LPIN2: variants seen among roughly 807,000 people sequenced by gnomAD.
The protein encoded by LPIN2 is lipin 2.
A neutral mutation model predicts 111.4 loss-of-function variants in LPIN2; 55 were observed. The observed-to-expected ratio is 0.49, with a 90% CI of 0.40 to 0.62. LPIN2 has a LOEUF of 0.62. Among genes scored for constraint, LPIN2 ranks in the 20% least tolerant of loss-of-function variants. The pLI is 0.00. For missense variants in LPIN2, 992 were observed against 1,112.1 expected (o/e 0.89, Z 1.54); for synonymous variants, 425 against 414.0 (o/e 1.03, Z -0.32).
chr18:2,953,891 G>A (rs567127016), intron 3 of LPIN2, among the ~76,000 whole-genome samples: 5 of 152,278 alleles, frequency 3.3e-5, no homozygotes, highest in East Asian at 1.9e-4. Flanking sequence ...AGAATCCGTC[G>A]TTAACTAGCG....
At chr18:2,923,894 A>G in intron 15 of LPIN2, 33 bp from the exon 16 acceptor site, 4 of 1,573,848 alleles carry the variant, frequency 2.5e-6, no homozygotes, top group Non-Finnish European at 2.6e-6. Context: ...AAAAGCTATC[A>G]GGAATCAAAC....
chr18:2,983,488 G>T (rs560921519), intron 1 of LPIN2, among the ~76,000 whole-genome samples: 1 of 152,156 alleles, frequency 6.6e-6, no homozygotes, highest in African/African-American at 2.4e-5. Context: ...TCTAAAAACC[G>T]CAAACACACA....
At position 2,926,803 on chromosome 18, in the gene LPIN2, C is replaced by G. The variant is rs1401732681; in HGVS notation, c.1713G>C (p.Leu571=). 1 of 1,613,312 alleles carries G rather than the reference C, an allele frequency of 6.2e-7. No individual in the cohort carries two copies. The highest frequency in any genetic ancestry group is 1.7e-5 in the Admixed American group (1 of 60,006). Residue 571 remains leucine, a splice_region_variant and synonymous_variant, in exon 13 of 20, where the codon CTG becomes CTC. Coordinates refer to ENST00000677752, the MANE Select transcript of LPIN2 (RefSeq NM_001375808.2). The stretch of plus-strand genomic sequence containing the variant: ...CAGATTTTCCCTCCTTGGATTCTGG[C>G]AGCTGTAACAGCAAGATGATAATGG... ...WRKRESMTKQ[L]PESKEGKSEA...
intron 1 of LPIN2, among the ~76,000 whole-genome samples, chr18:3,005,536 G>A (rs1257817740): frequency 1.3e-5 from 2 of 151,910 alleles, no homozygotes; most frequent in Non-Finnish European, 2.9e-5. Context: ...AATTAACCGG[G>A]GATGGTGGCA....
intron 2 of LPIN2, among the ~76,000 whole-genome samples, chr18:2,957,864 A>C (rs2077636166): frequency 6.6e-6 from 1 of 152,124 alleles, no homozygotes; most frequent in Non-Finnish European, 1.5e-5. Flanking sequence ...TTTGATAAAT[A>C]ATCTGACCAG....
intron 1 of LPIN2, among the ~76,000 whole-genome samples, chr18:2,979,353 T>C (rs1004756906): frequency 2.0e-5 from 3 of 152,138 alleles, no homozygotes; most frequent in African/African-American, 7.2e-5. Context: ...GGACCAAGTA[T>C]CCAGGCAAAC....
At chr18:2,942,751 A>G (rs567687081) in intron 4 of LPIN2, among the ~76,000 whole-genome samples, 1 of 152,354 alleles carries the variant, frequency 6.6e-6, no homozygotes, top group African/African-American at 2.4e-5. Context: ...ATTAAAATAG[A>G]AATTCCAGAA....
intron 3 of LPIN2, among the ~76,000 whole-genome samples, chr18:2,951,674 G>T (rs1049280247): frequency 6.6e-6 from 1 of 152,136 alleles, no homozygotes; most frequent in African/African-American, 2.4e-5. Flanking sequence ...ACAAAGCAAA[G>T]ATCAAAGCAG....
At chr18:2,996,395 C>T (rs536392336) in intron 1 of LPIN2, among the ~76,000 whole-genome samples, 1 of 151,958 alleles carries the variant, frequency 6.6e-6, no homozygotes, top group East Asian at 1.9e-4. Flanking sequence ...CATCATCCAA[C>T]CTCTCCATTT....
At position 2,920,273 on chromosome 18, in the gene LPIN2, C is replaced by T. The variant is rs963560273; in HGVS notation, c.*20G>A. ...TGTGGGGAGGGGGACCAAGCCCTGCCCACCCACTGAGGTGCCGCCTCAAGA... is the reference window on the plus strand; with the variant it reads ...TGTGGGGAGGGGGACCAAGCCCTGCTCACCCACTGAGGTGCCGCCTCAAGA... On this transcript the variant is annotated 3_prime_UTR_variant, in exon 20 of 20. Transcript: ENST00000677752. 3.1e-6 allele frequency: 5 copies of T among 1,613,846 alleles called. No individual in the cohort carries two copies. The Admixed American group carries it at 5.0e-5, about 16-fold the overall frequency.
intron 1 of LPIN2, among the ~76,000 whole-genome samples, chr18:3,004,219 G>A (rs2078476944): frequency 6.6e-6 from 1 of 152,158 alleles, no homozygotes; most frequent in Admixed American, 6.5e-5. Context: ...CCTTTGCCTT[G>A]TGATCTTATT....
rs1159519645 is a variant in LPIN2 at position 2,924,431 on chromosome 18, A to T, written c.2054T>A (p.Ile685Asn). The T allele has an allele frequency of 6.2e-7, 1 of 1,614,154 alleles. No homozygotes were observed. Among genetic ancestry groups the T allele is most frequent in the Non-Finnish European group, 8.5e-7 (1 of 1,180,016 alleles). ...TGTCCCATCAATATCAGAAATGATGATCTTGTCATTCCAGTTCCACAGGTA... is the reference window on the plus strand; with the variant it reads ...TGTCCCATCAATATCAGAAATGATGTTCTTGTCATTCCAGTTCCACAGGTA... Reference protein sequence around the residue: ...TIYLWNWNDKIIISDIDGTIT... With the variant: ...TIYLWNWNDKNIISDIDGTIT... The change falls in exon 15 of 20, where the codon ATC becomes AAC. Residue 685 changes from isoleucine (I) to asparagine (N), a missense_variant. By Grantham distance (149) the Ile-to-Asn change is moderately radical (BLOSUM62 -3). This residue lies in a region of LPIN2 where 709 missense variants were observed against 753.2 expected (regional missense o/e 0.94). Transcript: ENST00000677752.
chr18:2,977,726 T>G (rs1210650253), intron 1 of LPIN2, among the ~76,000 whole-genome samples: 1 of 152,230 alleles, frequency 6.6e-6, no homozygotes, highest in Non-Finnish European at 1.5e-5. Context: ...AAAATATTCT[T>G]GAGTCCTCAC....
In LPIN2 at chr18:2,940,591, T is replaced by C. The variant is rs1423463897; in HGVS notation, c.698+14A>G. The C allele has an allele frequency of 3.9e-6, 6 of 1,525,718 alleles. No homozygotes were observed. The highest frequency in any genetic ancestry group is 1.7e-4 in the Middle Eastern group (1 of 5,896). 94.5% of individuals were successfully genotyped at this position (1,525,718 alleles called of 1,614,324 possible). On this transcript the variant is annotated intron_variant, in intron 5 of 19. Transcript: ENST00000677752. ...TCCTCTTTCAAGAAACCAAGAAATTTCAAAGATACTTACGTCTCTAAAGGG... is the reference window on the plus strand; with the variant it reads ...TCCTCTTTCAAGAAACCAAGAAATTCCAAAGATACTTACGTCTCTAAAGGG...
At chr18:2,945,918 T>C (rs1179290005) in intron 4 of LPIN2, 4 of 1,421,894 alleles carry the variant, frequency 2.8e-6, no homozygotes, top group South Asian at 2.3e-5. Flanking sequence ...TACAGCCCTC[T>C]TGGTCTAAGA....
At chr18:2,971,216 T>C (rs1298813565) in intron 1 of LPIN2, among the ~76,000 whole-genome samples, 1 of 152,158 alleles carries the variant, frequency 6.6e-6, no homozygotes, top group East Asian at 1.9e-4. Flanking sequence ...CTTAATCTGG[T>C]ATTTCGTAAG....
chr18:2,960,722 T>C lies in LPIN2; in HGVS notation c.119A>G (p.Asp40Gly). 6.2e-7 allele frequency: 1 copy of C among 1,614,118 alleles called. No individual in the cohort carries two copies. The highest frequency in any genetic ancestry group is 8.5e-7 in the Non-Finnish European group (1 of 1,180,010). ...AAAAGGTGAACACTGATAGCTGCCATCCTGCTGCTGTACCACGATGACATC... is the reference window on the plus strand; with the variant it reads ...AAAAGGTGAACACTGATAGCTGCCACCCTGCTGCTGTACCACGATGACATC... Reference protein sequence around the residue: ...CIDVIVVQQQDGSYQCSPFHV... With the variant: ...CIDVIVVQQQGGSYQCSPFHV... The change falls in exon 2 of 20, where the codon GAT becomes GGT. Residue 40 changes from aspartate to glycine, a missense_variant. By Grantham distance (94) the Asp-to-Gly change is moderately conservative. This residue lies in a region of LPIN2 where 67 missense variants were observed against 112.1 expected (regional missense o/e 0.60). Transcript: ENST00000677752.
intron 9 of LPIN2, 101 bp downstream of exon 9, chr18:2,931,155 A>G: frequency 4.5e-6 from 6 of 1,346,850 alleles, no homozygotes; most frequent in Non-Finnish European, 6.2e-6. Flanking sequence ...CAAGATCCCT[A>G]AAGAATGTAA....
chr18:2,920,177 C>T lies in LPIN2; in HGVS notation c.*116G>A, dbSNP rs1342505309. 1.0e-5 allele frequency: 15 copies of T among 1,440,322 alleles called. No homozygotes were observed. Among genetic ancestry groups the T allele is most frequent in the Non-Finnish European group, 1.5e-5 (15 of 1,033,186 alleles). The allele number at this position is 1,440,322 out of a possible 1,614,324, so 89.2% of individuals were successfully genotyped here. On this transcript the variant is annotated 3_prime_UTR_variant, in exon 20 of 20. Transcript: ENST00000677752. ...CAAAGGAGGATGGCGGGACCAGCTC[C>T]AGAAGCACCCGTCCCCGCTGGGGAA...
Sources: gnomAD v4.1 joint callset for allele counts (sites outside exome capture counted in the v4.1 genomes callset) on GRCh38, gnomAD v4.1.1 for gene constraint, gnomAD v4.1.1 regional missense constraint, MANE v1.5 for transcripts, NCBI Gene and HGNC (gene_info 2026-07-23, HGNC 2026-07-21) for gene names.